The following ULK4 variants were observed in gnomAD, a reference collection of about 807,000 sequenced individuals.
ULK4 encodes inactive serine/threonine-protein kinase ULK4.
In ULK4, 133 loss-of-function variants were observed where a neutral mutation model predicts 160.6. The ratio of observed to expected loss-of-function variants is 0.83; its 90% CI spans 0.72 to 0.96. ULK4 has a LOEUF of 0.96. ULK4 is among the 40% of genes least tolerant of loss of function. ULK4 has a pLI of 0.00. For synonymous variants in ULK4, 534 were observed against 539.8 expected (o/e 0.99, Z 0.15); for missense variants, 1,580 against 1,499.5 (o/e 1.05, Z -0.89).
chr3:41,330,976 G>A (rs2080430347), intron 35 of ULK4, among the ~76,000 whole-genome samples: 1 of 152,100 alleles, frequency 6.6e-6, no homozygotes, highest in African/African-American at 2.4e-5. Context: ...AAGACTAAAG[G>A]GTCTGCTTAT....
At chr3:41,700,003 A>G (rs908318883) in intron 27 of ULK4, among the ~76,000 whole-genome samples, 1 of 152,194 alleles carries the variant, frequency 6.6e-6, no homozygotes, top group Non-Finnish European at 1.5e-5. Context: ...TCATTAGGCA[A>G]AAGAATCAAC....
At chr3:41,723,639 G>A (rs1379059869) in intron 22 of ULK4, among the ~76,000 whole-genome samples, 2 of 152,166 alleles carry the variant, frequency 1.3e-5, no homozygotes, top group Non-Finnish European at 2.9e-5. Context: ...TACCTCCTCT[G>A]GCCAATATAT....
At chr3:41,270,929 A>G (rs56232987) in intron 35 of ULK4, among the ~76,000 whole-genome samples, 1 of 152,310 alleles carries the variant, frequency 6.6e-6, no homozygotes, top group Non-Finnish European at 1.5e-5. Context: ...CTATTTCTTT[A>G]AAGATATACT....
At chr3:41,643,153 C>T (rs1017409196) in intron 30 of ULK4, among the ~76,000 whole-genome samples, 2 of 152,166 alleles carry the variant, frequency 1.3e-5, no homozygotes, top group Non-Finnish European at 2.9e-5. Context: ...CCTGTTCACT[C>T]TGACGGTAGT....
intron 34 of ULK4, among the ~76,000 whole-genome samples, chr3:41,404,284 A>G (rs111621930): frequency 0.011 from 1,637 of 146,836 alleles, 38 homozygotes; most frequent in African/African-American, 0.04. Flanking sequence ...GAATGCATAC[A>G]TTTAAAATAG....
intron 22 of ULK4, among the ~76,000 whole-genome samples, chr3:41,728,188 T>A (rs938942975): frequency 6.6e-6 from 1 of 152,182 alleles, no homozygotes; most frequent in Non-Finnish European, 1.5e-5. Context: ...TTTAAGGCAA[T>A]TGTCTTGGTC....
At chr3:41,497,876 T>C (rs527602364) in intron 32 of ULK4, among the ~76,000 whole-genome samples, 105 of 152,128 alleles carry the variant, frequency 6.9e-4, no homozygotes, top group South Asian at 6.2e-3. Flanking sequence ...CTGGGCAACA[T>C]AGACTCCATC....
At chr3:41,314,815 C>CTG (rs35458996) in intron 35 of ULK4, among the ~76,000 whole-genome samples, 35,466 of 149,440 alleles carry the variant, frequency 0.24, 6,108 homozygotes, top group African/African-American at 0.49. Flanking sequence ...TGCAGTGTGT[C>CTG]TGTGTGTGTG....
intron 21 of ULK4, among the ~76,000 whole-genome samples, chr3:41,774,918 T>C (rs1328223129): frequency 6.6e-6 from 1 of 150,468 alleles, no homozygotes; most frequent in Non-Finnish European, 1.5e-5. Flanking sequence ...TCATGTCCTT[T>C]GTAGGGACAT....
At chr3:41,914,214 T>C (rs1013533683) in intron 8 of ULK4, among the ~76,000 whole-genome samples, 1 of 152,138 alleles carries the variant, frequency 6.6e-6, no homozygotes, top group African/African-American at 2.4e-5. Context: ...AGAAAAGAAT[T>C]TATAGTCGAC....
At chr3:41,931,617 A>C (rs1446490352) in intron 5 of ULK4, 2 of 460,458 alleles carry the variant, frequency 4.3e-6, no homozygotes, top group Non-Finnish European at 7.6e-6. Context: ...CTGAGGACGA[A>C]ATACAGGTTT....
At chr3:41,568,436 C>T (rs946745935) in intron 31 of ULK4, among the ~76,000 whole-genome samples, 1 of 152,294 alleles carries the variant, frequency 6.6e-6, no homozygotes, top group South Asian at 2.1e-4. Context: ...AGGATTGTTG[C>T]ATCTATGTTC....
chr3:41,788,459 C>T lies in ULK4; in HGVS notation c.2193+1202G>A, dbSNP rs976930627. On this transcript the variant is annotated intron_variant, in intron 21 of 36. Transcript: ENST00000301831. ...CAGCACTTTGGGAGGCCAAGGAGGGCGGATCACAAGTTCAGGAGATCGAGA... is the reference window on the plus strand; with the variant it reads ...CAGCACTTTGGGAGGCCAAGGAGGGTGGATCACAAGTTCAGGAGATCGAGA... Among the ~76,000 whole-genome samples, 8 of 152,070 alleles carry T rather than the reference C, an allele frequency of 5.3e-5. No individual in the cohort carries two copies. The South Asian group carries it at 6.2e-4, about 12-fold the overall frequency.
At chr3:41,544,290 C>T (rs2700440) in intron 32 of ULK4, among the ~76,000 whole-genome samples, 77,749 of 152,056 alleles carry the variant, frequency 0.51, 19,992 homozygotes, top group Middle Eastern at 0.57. Context: ...ATTCATTTAG[C>T]TCAGTGGCCA....
chr3:41,283,157 G>A (rs11710719), intron 35 of ULK4, among the ~76,000 whole-genome samples: 44,806 of 152,130 alleles, frequency 0.29, 6,983 homozygotes, highest in Middle Eastern at 0.35. Context: ...AACAGATGCT[G>A]GAAAGGATGT....
At chr3:41,379,222 A>G (rs1368118184) in intron 35 of ULK4, among the ~76,000 whole-genome samples, 20 of 152,278 alleles carry the variant, frequency 1.3e-4, no homozygotes, top group Non-Finnish European at 1.5e-5. Flanking sequence ...AATAGTGAAA[A>G]AAGAAAAAAA....
intron 34 of ULK4, among the ~76,000 whole-genome samples, chr3:41,439,329 G>A (rs2083106934): frequency 6.6e-6 from 1 of 152,180 alleles, no homozygotes; most frequent in South Asian, 2.1e-4. Flanking sequence ...ATAGAAAGCA[G>A]TTGGTTTAGA....
intron 17 of ULK4, chr3:41,859,420 TG>T: frequency 1.8e-6 from 1 of 560,978 alleles, no homozygotes. Flanking sequence ...AGGGTTGAGT[TG>T]GGCCAGAATT....
At chr3:41,699,268 T>C (rs1428471709) in intron 27 of ULK4, among the ~76,000 whole-genome samples, 1 of 152,208 alleles carries the variant, frequency 6.6e-6, no homozygotes, top group African/African-American at 2.4e-5. Context: ...AAGTATTAAC[T>C]CAAATAACTG....
Sources: allele counts gnomAD v4.1 joint callset (sites outside exome capture counted in the v4.1 genomes callset), GRCh38; gene constraint gnomAD v4.1.1; transcripts MANE v1.5; gene names NCBI Gene and HGNC (gene_info 2026-07-23, HGNC 2026-07-21).